CMPK1: variants seen among roughly 807,000 people sequenced by gnomAD.
CMPK1 encodes the protein UMP-CMP kinase.
Under a neutral mutation model 25.7 loss-of-function variants are expected in CMPK1, and 10 were observed. The observed-to-expected ratio is 0.39, with a 90% CI of 0.24 to 0.66. The LOEUF (loss-of-function observed/expected upper bound fraction) is 0.66, where lower values mean the gene tolerates loss of function less well. Ranked by LOEUF, CMPK1 falls within the 30% of genes least tolerant of loss-of-function variation. The pLI is 0.48. For synonymous variants in CMPK1, 106 were observed against 101.5 expected, an observed-to-expected ratio of 1.04 and a Z score of -0.27; for missense variants, 199 against 280.5, an observed-to-expected ratio of 0.71 and a Z score of 2.08.
intron 2 of CMPK1, among the ~76,000 whole-genome samples, chr1:47,370,647 A>AG (rs1311164467): frequency 1.3e-5 from 2 of 149,742 alleles, no homozygotes; most frequent in East Asian, 2.0e-4. Context: ...TTTCTTAAAA[A>AG]AAAAAAAATG....
intron 1 of CMPK1, among the ~76,000 whole-genome samples, chr1:47,354,823 A>G (rs1253783936): frequency 6.6e-6 from 1 of 151,940 alleles, no homozygotes; most frequent in African/African-American, 2.4e-5. Flanking sequence ...CAGTGCCATA[A>G]CTCCTAGAAA....
intron 1 of CMPK1, among the ~76,000 whole-genome samples, chr1:47,343,339 T>C (rs1488072862): frequency 1.1e-4 from 6 of 52,600 alleles, no homozygotes; most frequent in African/African-American, 4.7e-4. Flanking sequence ...GGCTCACACC[T>C]GTAATCCCAG....
intron 1 of CMPK1, among the ~76,000 whole-genome samples, chr1:47,346,723 C>G (rs186862423): frequency 6.7e-6 from 1 of 149,904 alleles, no homozygotes; most frequent in East Asian, 2.0e-4. Context: ...AGGCTGGTCT[C>G]GAACCTCAGA....
chr1:47,348,231 T>C (rs964756766), intron 1 of CMPK1, among the ~76,000 whole-genome samples: 64 of 152,282 alleles, frequency 4.2e-4, no homozygotes, highest in African/African-American at 1.5e-3. Flanking sequence ...GCTGGGAGTA[T>C]AGAGACAGCA....
chr1:47,376,689 C>G lies in CMPK1; in HGVS notation c.646-15C>G. ...TACCTGCTTTTAAAATTATTATCATCTTTTTCCTTTACAGGTTTTTGATGA... is the reference window on the plus strand; with the variant it reads ...TACCTGCTTTTAAAATTATTATCATGTTTTTCCTTTACAGGTTTTTGATGA... On this transcript the variant is annotated splice_polypyrimidine_tract_variant and intron_variant, in intron 5 of 5. Transcript: ENST00000371873. The G allele has an allele frequency of 6.5e-7, 1 of 1,538,534 alleles. No individual in the cohort carries two copies. Among genetic ancestry groups the G allele is most frequent in the South Asian group, 1.1e-5 (1 of 88,172 alleles).
At chr1:47,335,866 C>T (rs193072675) in intron 1 of CMPK1, among the ~76,000 whole-genome samples, 82 of 151,914 alleles carry the variant, frequency 5.4e-4, no homozygotes, top group Middle Eastern at 6.9e-3. Context: ...CAGGTTCAAG[C>T]GATTTTCCTG....
At chr1:47,368,864 G>C (rs1248915637) in intron 2 of CMPK1, among the ~76,000 whole-genome samples, 1 of 152,050 alleles carries the variant, frequency 6.6e-6, no homozygotes, top group African/African-American at 2.4e-5. Context: ...GTGAGACAGA[G>C]GCAGAAGGAT....
intron 1 of CMPK1, among the ~76,000 whole-genome samples, chr1:47,364,402 C>G (rs532696207): frequency 2.0e-5 from 3 of 151,522 alleles, no homozygotes; most frequent in African/African-American, 7.3e-5. Context: ...ACTGCAAGCT[C>G]CGCCTCCCGG....
In CMPK1 at chr1:47,346,863, CCCCTT is replaced by C. The variant is rs1262068206; in HGVS notation, c.171+12761_171+12765del. Among the ~76,000 whole-genome samples, 11 of 150,874 alleles carry C rather than the reference CCCCTT, an allele frequency of 7.3e-5. No homozygotes were observed. The East Asian group carries it at 1.8e-3, about 24-fold the overall frequency. ...CCTCCTCACTCCTCTCCCCTCTCCT[CCCCTT>C]CCCTTCCCTTCCCCAAGTGATTCTC... On this transcript the variant is annotated intron_variant, in intron 1 of 5. Transcript: ENST00000371873.
intron 1 of CMPK1, among the ~76,000 whole-genome samples, chr1:47,334,384 T>A (rs1646380453): frequency 1.3e-5 from 2 of 152,324 alleles, no homozygotes; most frequent in South Asian, 4.1e-4. Context: ...GGGACCAGAT[T>A]CGTCTCTAGA....
rs372846034 is a variant in CMPK1 at position 47,375,099 on chromosome 1, A to T, written c.549-98A>T. ...AATGGCTTGTTTAAGATGTTAGGTCAATCAGTCGGGGCAGATCCAGTGTTC... is the reference window on the plus strand; with the variant it reads ...AATGGCTTGTTTAAGATGTTAGGTCTATCAGTCGGGGCAGATCCAGTGTTC... On this transcript the variant is annotated intron_variant, in intron 4 of 5. Coordinates refer to ENST00000371873, the MANE Select transcript of CMPK1 (RefSeq NM_016308.3). 5.6e-6 allele frequency: 7 copies of T among 1,250,624 alleles called. No individual in the cohort carries two copies. The East Asian group carries it at 9.3e-5, about 17-fold the overall frequency. 77.5% of individuals were successfully genotyped at this position (1,250,624 alleles called of 1,614,324 possible).
At chr1:47,352,199 A>G (rs1044005677) in intron 1 of CMPK1, among the ~76,000 whole-genome samples, 2 of 152,168 alleles carry the variant, frequency 1.3e-5, no homozygotes, top group African/African-American at 4.8e-5. Flanking sequence ...CTTCTTATCG[A>G]GCTGTAAGAG....
rs778256325 is a variant in CMPK1 at position 47,333,996 on chromosome 1, C to T, written c.51C>T (p.Phe17=). ...SGLLHVLGLS[F]LLQTRRPILL... ...TGCTCCACGTCCTGGGCCTTAGCTT[C>T]CTGCTGCAGACCCGCCGGCCGATTC... The change falls in exon 1 of 6, where the codon TTC becomes TTT. Residue 17 remains phenylalanine, a synonymous_variant. Transcript: ENST00000371873. 1 of 1,541,590 alleles carries T rather than the reference C, an allele frequency of 6.5e-7. No individual in the cohort carries two copies. The highest frequency in any genetic ancestry group is 8.7e-7 in the Non-Finnish European group (1 of 1,143,486).
chr1:47,367,008 G>A (rs982402230), intron 1 of CMPK1, among the ~76,000 whole-genome samples: 1 of 152,146 alleles, frequency 6.6e-6, no homozygotes, highest in Non-Finnish European at 1.5e-5. Flanking sequence ...TTATAGGTGT[G>A]AGCCACCGCA....
In CMPK1 at chr1:47,375,138, A is replaced by G. The variant is rs72553950; in HGVS notation, c.549-59A>G. On this transcript the variant is annotated intron_variant, in intron 4 of 5. Coordinates refer to ENST00000371873, the MANE Select transcript of CMPK1 (RefSeq NM_016308.3). ...GATCCAGTGTTCTGTGAGCTCTCCTATAACATGTAGAAGAAAGGATAGATA... is the reference window on the plus strand; with the variant it reads ...GATCCAGTGTTCTGTGAGCTCTCCTGTAACATGTAGAAGAAAGGATAGATA... 5 of 1,386,380 alleles carry G rather than the reference A, an allele frequency of 3.6e-6. No homozygotes were observed. In the Admixed American group the frequency reaches 8.7e-5, roughly 24 times the overall value. The allele number at this position is 1,386,380 out of a possible 1,614,324, so 85.9% of individuals were successfully genotyped here. A position where few individuals can be genotyped will look rare whatever the true frequency, so the allele number is the denominator to read the frequency against.
intron 1 of CMPK1, among the ~76,000 whole-genome samples, chr1:47,334,959 C>G (rs191526248): frequency 4.0e-4 from 61 of 152,226 alleles, no homozygotes; most frequent in Admixed American, 1.6e-3. Context: ...AGACAGGTTA[C>G]CAGTTCAATT....
chr1:47,367,441 T>C (rs1570377184), intron 1 of CMPK1, among the ~76,000 whole-genome samples: 1 of 152,196 alleles, frequency 6.6e-6, no homozygotes, highest in East Asian at 1.9e-4. Flanking sequence ...ACCTGGGTAA[T>C]TGAAAGAGTT....
intron 1 of CMPK1, among the ~76,000 whole-genome samples, chr1:47,354,186 C>T (rs912202748): frequency 1.3e-5 from 2 of 151,928 alleles, no homozygotes; most frequent in Non-Finnish European, 2.9e-5. Flanking sequence ...AAAAAATTAG[C>T]CAGGCATGAT....
At chr1:47,352,530 G>GC (rs945537573) in intron 1 of CMPK1, among the ~76,000 whole-genome samples, 10 of 151,834 alleles carry the variant, frequency 6.6e-5, no homozygotes, top group Non-Finnish European at 1.5e-4. Flanking sequence ...GGGAGGGATA[G>GC]GGGGTCACAG....
Sources: allele counts gnomAD v4.1 joint callset (sites outside exome capture counted in the v4.1 genomes callset), GRCh38; gene constraint gnomAD v4.1.1; transcripts MANE v1.5; gene names NCBI Gene and HGNC (gene_info 2026-07-23, HGNC 2026-07-21).